The following DPP6 variants were observed in gnomAD, a reference collection of about 807,000 sequenced individuals.
The protein encoded by DPP6 is dipeptidyl peptidase like 6, also known as A-type potassium channel modulatory protein DPP6.
A neutral mutation model predicts 122.6 loss-of-function variants in DPP6; 69 were observed. That is an observed-to-expected ratio of 0.56 (90% CI 0.46 to 0.69). The LOEUF (loss-of-function observed/expected upper bound fraction) is 0.69. Ranked by LOEUF, DPP6 falls within the 30% of genes least tolerant of loss-of-function variation. DPP6 has a pLI of 0.00. For synonymous variants in DPP6, 418 were observed against 433.1 expected, an observed-to-expected ratio of 0.97 and a Z score of 0.43; for missense variants, 928 against 1,116.9, an observed-to-expected ratio of 0.83 and a Z score of 2.41.
intron 3 of DPP6, among the ~76,000 whole-genome samples, chr7:154,511,474 A>G (rs1312876457): frequency 2.0e-5 from 3 of 152,214 alleles, no homozygotes; most frequent in South Asian, 2.1e-4. Context: ...GTGATATTTT[A>G]TTTAGTAGTA....
chr7:154,866,563 A>G (rs1368962214), intron 17 of DPP6, among the ~76,000 whole-genome samples: 2 of 152,136 alleles, frequency 1.3e-5, no homozygotes, highest in Non-Finnish European at 2.9e-5. Context: ...CACTGCAGAC[A>G]CCCCTTGCAG....
At chr7:154,733,641 G>A (rs1421330995) in intron 8 of DPP6, among the ~76,000 whole-genome samples, 1 of 152,164 alleles carries the variant, frequency 6.6e-6, no homozygotes, top group Non-Finnish European at 1.5e-5. Context: ...TCAAGGAGGT[G>A]GAGAGTGTGT....
the DPP6 span, among the ~76,000 whole-genome samples, chr7:153,764,526 G>A: frequency 1.3e-5 from 2 of 151,960 alleles, no homozygotes; most frequent in African/African-American, 4.8e-5. Flanking sequence ...TCACATGGTG[G>A]TTATGGATCT....
chr7:154,515,462 A>T (rs947363831), intron 3 of DPP6, among the ~76,000 whole-genome samples: 5 of 149,832 alleles, frequency 3.3e-5, no homozygotes, highest in African/African-American at 1.2e-4. Context: ...GTTCCTTCCT[A>T]CCTTCCTTCC....
intron 1 of DPP6, among the ~76,000 whole-genome samples, chr7:154,337,601 T>C (rs1358421860): frequency 6.6e-6 from 1 of 152,196 alleles, no homozygotes; most frequent in Non-Finnish European, 1.5e-5. Context: ...AGCTCAGAGA[T>C]GTCCTCTGTG....
chr7:154,470,525 A>G (rs1363648773), intron 2 of DPP6, among the ~76,000 whole-genome samples: 1 of 152,160 alleles, frequency 6.6e-6, no homozygotes, highest in South Asian at 2.1e-4. Flanking sequence ...ATTTATTTCT[A>G]GTTTTCTGGT....
chr7:154,435,193 A>T (rs1818755070), intron 1 of DPP6, among the ~76,000 whole-genome samples: 1 of 152,052 alleles, frequency 6.6e-6, no homozygotes, highest in South Asian at 2.1e-4. Flanking sequence ...TGTGAGAGAG[A>T]GTGGCAGAGG....
chr7:154,127,634 G>GACACACACACACAGAC lies in DPP6; in HGVS notation c.243+74584_243+74585insGACACACACACACACA, dbSNP rs1563225782. On this transcript the variant is annotated intron_variant, in intron 1 of 25. Transcript: ENST00000377770. ...ACACACACACACACACACACACACA[G>GACACACACACACAGAC]ACACACACACACACACAGACACACA... Among the ~76,000 whole-genome samples the GACACACACACACAGAC allele has an allele frequency of 2.2e-3, 133 of 59,760 alleles. 1 individual carries two copies. Among genetic ancestry groups the GACACACACACACAGAC allele is most frequent in the African/African-American group, 5.4e-3 (126 of 23,168 alleles). 39.2% of individuals were successfully genotyped at this position (59,760 alleles called of 152,430 possible). A position where few individuals can be genotyped will look rare whatever the true frequency, so the allele number is the denominator to read the frequency against.
chr7:154,787,367 G>A (rs927852506), intron 10 of DPP6, among the ~76,000 whole-genome samples: 4 of 151,926 alleles, frequency 2.6e-5, no homozygotes, highest in Non-Finnish European at 5.9e-5. Flanking sequence ...ATCGATTGTG[G>A]AAGTCTTCCT....
the DPP6 span, among the ~76,000 whole-genome samples, chr7:153,836,216 C>A: frequency 6.6e-6 from 1 of 152,206 alleles, no homozygotes; most frequent in Non-Finnish European, 1.5e-5. Flanking sequence ...TGCAAATCAA[C>A]AAATCAAACC....
At chr7:154,583,898 T>G (rs969509782) in intron 5 of DPP6, among the ~76,000 whole-genome samples, 1 of 152,132 alleles carries the variant, frequency 6.6e-6, no homozygotes, top group African/African-American at 2.4e-5. Flanking sequence ...ATCAGCACTT[T>G]AGGAAAAACA....
intron 16 of DPP6, among the ~76,000 whole-genome samples, chr7:154,826,981 G>A (rs1268457000): frequency 6.6e-6 from 1 of 152,062 alleles, no homozygotes; most frequent in Non-Finnish European, 1.5e-5. Flanking sequence ...CCATCAGAGT[G>A]AGACAACATG....
At chr7:153,895,071 A>G (rs1443362270) in intron 1 of DPP6, among the ~76,000 whole-genome samples, 1 of 152,228 alleles carries the variant, frequency 6.6e-6, no homozygotes, top group East Asian at 1.9e-4. Context: ...AACCTCAGTT[A>G]TAGACTGAAT....
chr7:154,347,573 G>T (rs1810503186), intron 1 of DPP6, among the ~76,000 whole-genome samples: 1 of 152,124 alleles, frequency 6.6e-6, no homozygotes. Context: ...TTAGTGTTTT[G>T]GTGTTTAATC....
At position 154,282,851 on chromosome 7, in the gene DPP6, G is replaced by C. The variant is rs1371541164; in HGVS notation, c.244-163363G>C. ...CCATTTATAACAAGAGGTTGAAGGA[G>C]AGATTGCCACTCTTTGGAGCCACAT... is the stretch of plus-strand genomic sequence containing the variant. On this transcript the variant is annotated intron_variant, in intron 1 of 25. Coordinates refer to ENST00000377770, the MANE Select transcript of DPP6 (RefSeq NM_130797.4). The surrounding 1 kb of genome is among the most constrained non-coding windows in gnomAD (Gnocchi z 4.8). Among the ~76,000 whole-genome samples the C allele has an allele frequency of 6.6e-6, 1 of 152,134 alleles. No homozygotes were observed. The highest frequency in any genetic ancestry group is 1.5e-5 in the Non-Finnish European group (1 of 68,002).
intron 3 of DPP6, among the ~76,000 whole-genome samples, chr7:154,477,057 T>G (rs1822806445): frequency 6.6e-6 from 1 of 151,844 alleles, no homozygotes; most frequent in Non-Finnish European, 1.5e-5. Flanking sequence ...CCAACCTGGG[T>G]GACAGAGCGA....
intron 1 of DPP6, among the ~76,000 whole-genome samples, chr7:154,114,528 A>T (rs1488815312): frequency 6.6e-6 from 1 of 152,194 alleles, no homozygotes; most frequent in Non-Finnish European, 1.5e-5. Flanking sequence ...GTTATTTCCC[A>T]GTGAACTTAA....
intron 1 of DPP6, among the ~76,000 whole-genome samples, chr7:153,924,315 G>C (rs1351624435): frequency 9.9e-5 from 15 of 151,944 alleles, no homozygotes; most frequent in Admixed American, 9.8e-4. Flanking sequence ...CACCATTTTG[G>C]CCAGGATGGT....
intron 7 of DPP6, among the ~76,000 whole-genome samples, chr7:154,676,322 TCCGGGCTGCGG>T (rs1838904755): frequency 7.0e-6 from 1 of 143,474 alleles, no homozygotes; most frequent in African/African-American, 2.6e-5. Flanking sequence ...ACACAGGTGT[TCCGGGCTGCGG>T]CCATGGGGCG....
Sources: allele counts gnomAD v4.1 joint callset (sites outside exome capture counted in the v4.1 genomes callset), GRCh38; gene constraint gnomAD v4.1.1; non-coding constraint Gnocchi (gnomAD v3.1); transcripts MANE v1.5; gene names NCBI Gene and HGNC (gene_info 2026-07-23, HGNC 2026-07-21).